The following FOXP1 variants were observed in gnomAD, a reference collection of about 807,000 sequenced individuals.
FOXP1 encodes forkhead box P1, also known as forkhead box protein P1.
FOXP1 carries 15 observed loss-of-function variants against 98.2 expected under a neutral mutation model. The ratio of observed to expected loss-of-function variants is 0.15; its 90% CI spans 0.10 to 0.24. FOXP1 has a LOEUF of 0.24. Among genes scored for constraint, FOXP1 ranks in the 10% least tolerant of loss-of-function variants. FOXP1 has a pLI of 1.00. For synonymous variants in FOXP1, 371 were observed against 314.5 expected (o/e 1.18, Z -1.90); for missense variants, 633 against 848.5 (o/e 0.75, Z 3.15).
intron 17 of FOXP1, among the ~76,000 whole-genome samples, chr3:70,973,238 GC>G (rs139682686): frequency 0.017 from 2,120 of 124,152 alleles, 10 homozygotes; most frequent in Non-Finnish European, 0.027. Flanking sequence ...CGGACCCCCC[GC>G]CCCCGCCCCG....
At chr3:71,176,599 G>C (rs949845675) in intron 6 of FOXP1, among the ~76,000 whole-genome samples, 1 of 152,142 alleles carries the variant, frequency 6.6e-6, no homozygotes, top group South Asian at 2.1e-4. Context: ...CTGCTGGCTG[G>C]GCCTGGTGGC....
At chr3:70,990,710 T>C (rs2040468841) in intron 13 of FOXP1, among the ~76,000 whole-genome samples, 1 of 152,240 alleles carries the variant, frequency 6.6e-6, no homozygotes, top group Admixed American at 6.5e-5. Context: ...GGGTATGGAA[T>C]GAGTATCTAG....
intron 5 of FOXP1, among the ~76,000 whole-genome samples, chr3:71,200,507 T>C (rs1361584252): frequency 6.6e-6 from 1 of 152,124 alleles, no homozygotes; most frequent in Non-Finnish European, 1.5e-5. Flanking sequence ...TGAGGTTCAG[T>C]GGGGGCAAAA....
intron 3 of FOXP1, among the ~76,000 whole-genome samples, chr3:71,434,549 C>T (rs891228622): frequency 6.6e-6 from 1 of 152,038 alleles, no homozygotes; most frequent in Admixed American, 6.6e-5. Flanking sequence ...CACACAAAAA[C>T]ACTATATAGC....
chr3:71,161,361 T>C (rs548003477), intron 6 of FOXP1, among the ~76,000 whole-genome samples: 3 of 152,210 alleles, frequency 2.0e-5, no homozygotes, highest in African/African-American at 7.2e-5. Context: ...TCTTCCTGTC[T>C]GTCTCTTTCT....
chr3:71,288,680 A>G (rs2072430077), intron 5 of FOXP1, among the ~76,000 whole-genome samples: 1 of 152,208 alleles, frequency 6.6e-6, no homozygotes, highest in African/African-American at 2.4e-5. Context: ...CAAGAGGGAC[A>G]AAATGCCCAG....
chr3:71,355,987 C>T (rs2078127280), intron 4 of FOXP1, among the ~76,000 whole-genome samples: 1 of 152,022 alleles, frequency 6.6e-6, no homozygotes, highest in African/African-American at 2.4e-5. Context: ...GTGCAGATGA[C>T]ACAGTCCTTT....
At chr3:71,391,844 C>A (rs953351699) in intron 3 of FOXP1, among the ~76,000 whole-genome samples, 1 of 152,210 alleles carries the variant, frequency 6.6e-6, no homozygotes, top group Non-Finnish European at 1.5e-5. Flanking sequence ...GCTGCTCTCT[C>A]TCTGTGCTGG....
At chr3:71,005,219 T>TCTTA (rs1368197295) in intron 12 of FOXP1, among the ~76,000 whole-genome samples, 3 of 149,638 alleles carry the variant, frequency 2.0e-5, no homozygotes, top group Non-Finnish European at 4.4e-5. Context: ...TGGCAGCATC[T>TCTTA]CTTAGCCAGT....
chr3:71,367,351 A>C (rs2078994433), intron 3 of FOXP1, among the ~76,000 whole-genome samples: 1 of 151,870 alleles, frequency 6.6e-6, no homozygotes, highest in African/African-American at 2.4e-5. Flanking sequence ...CGTTGCATTC[A>C]CTCCCTGTTT....
intron 5 of FOXP1, among the ~76,000 whole-genome samples, chr3:71,207,082 G>A (rs756257744): frequency 1.3e-5 from 2 of 152,148 alleles, no homozygotes; most frequent in African/African-American, 2.4e-5. Context: ...ATGGGGCCAG[G>A]TGTTCTGGGG....
intron 3 of FOXP1, among the ~76,000 whole-genome samples, chr3:71,474,621 C>T (rs1281434908): frequency 2.0e-5 from 3 of 151,952 alleles, no homozygotes; most frequent in Non-Finnish European, 4.4e-5. Context: ...AAGCGTAAAC[C>T]CTATTGTGAA....
chr3:71,576,854 G>A (rs1369122567), intron 2 of FOXP1, among the ~76,000 whole-genome samples: 1 of 152,150 alleles, frequency 6.6e-6, no homozygotes, highest in Non-Finnish European at 1.5e-5. Context: ...CTCCCTTTCA[G>A]GCACTCGTTC....
intron 4 of FOXP1, among the ~76,000 whole-genome samples, chr3:71,355,368 G>A (rs1196908007): frequency 2.0e-5 from 3 of 152,188 alleles, no homozygotes; most frequent in Non-Finnish European, 2.9e-5. Context: ...GGACAGGGCT[G>A]TAACATATGG....
chr3:71,008,923 C>T (rs1449636789), intron 12 of FOXP1, among the ~76,000 whole-genome samples: 1 of 151,860 alleles, frequency 6.6e-6, no homozygotes, highest in Admixed American at 6.6e-5. Flanking sequence ...TTTTCTGAAC[C>T]CCTCTCTCTG....
At chr3:71,145,766 T>A (rs536737356) in intron 6 of FOXP1, among the ~76,000 whole-genome samples, 1 of 152,336 alleles carries the variant, frequency 6.6e-6, no homozygotes, top group East Asian at 1.9e-4. Flanking sequence ...ATTTCCCTAA[T>A]GTCTAATGAT....
At chr3:71,521,466 G>T (rs544123236) in intron 2 of FOXP1, among the ~76,000 whole-genome samples, 1 of 150,744 alleles carries the variant, frequency 6.6e-6, no homozygotes, top group Non-Finnish European at 1.5e-5. Context: ...GGTGGAGATT[G>T]TGGTGAGCCA....
chr3:71,354,082 G>A (rs910087366), intron 4 of FOXP1, among the ~76,000 whole-genome samples: 3 of 151,078 alleles, frequency 2.0e-5, no homozygotes, highest in South Asian at 4.2e-4. Context: ...TGAGATGAGC[G>A]GATCACAAGA....
intron 7 of FOXP1, among the ~76,000 whole-genome samples, chr3:71,091,097 C>CTGTGTGTG (rs1191628935): frequency 4.1e-4 from 55 of 132,608 alleles, no homozygotes; most frequent in African/African-American, 1.5e-3. Flanking sequence ...GTGCCAGATT[C>CTGTGTGTG]TGTGTGTGTG....
Sources: allele counts gnomAD v4.1 joint callset (sites outside exome capture counted in the v4.1 genomes callset), GRCh38; gene constraint gnomAD v4.1.1; transcripts MANE v1.5; gene names NCBI Gene and HGNC (gene_info 2026-07-23, HGNC 2026-07-21).